The following NTM variants were observed in gnomAD, a reference collection of about 807,000 sequenced individuals.
The protein encoded by NTM is IgLON family member 2.
Under a neutral mutation model 42.1 loss-of-function variants are expected in NTM, and 13 were observed. The ratio of observed to expected loss-of-function variants is 0.31; its 90% CI spans 0.20 to 0.49. NTM has a LOEUF of 0.49. Among genes scored for constraint, NTM ranks in the 20% least tolerant of loss-of-function variants. NTM has a pLI of 0.99. For synonymous variants in NTM, 187 were observed against 179.2 expected (o/e 1.04, Z -0.35); for missense variants, 373 against 452.8 (o/e 0.82, Z 1.60).
chr11:132,291,448 C>T lies in NTM; in HGVS notation c.527-16241C>T, dbSNP rs544402039. ...AGATAAATCTAGAAGAATTTCATGTCGGACATGTCAAATGTGGGATGCCTA... is the reference window on the plus strand; with the variant it reads ...AGATAAATCTAGAAGAATTTCATGTTGGACATGTCAAATGTGGGATGCCTA... On this transcript the variant is annotated intron_variant, in intron 4 of 8. Coordinates refer to ENST00000683400, the MANE Select transcript of NTM (RefSeq NM_001352005.2). 1.5e-3 allele frequency among the ~76,000 whole-genome samples: 230 copies of T among 152,174 alleles called. 2 individuals are homozygous for T. The highest frequency in any genetic ancestry group is 5.1e-3 in the African/African-American group (213 of 41,522).
At chr11:131,603,677 C>T (rs527259588) in intron 1 of NTM, among the ~76,000 whole-genome samples, 43 of 152,310 alleles carry the variant, frequency 2.8e-4, no homozygotes, top group African/African-American at 1.0e-3. Flanking sequence ...CATTAACAAG[C>T]ACTCTTGACA....
chr11:131,487,171 GA>G (rs769500094), intron 1 of NTM, among the ~76,000 whole-genome samples: 4 of 152,216 alleles, frequency 2.6e-5, no homozygotes, highest in Non-Finnish European at 5.9e-5. Flanking sequence ...AAGCCTGCCA[GA>G]AAGGTGGTCA....
At chr11:131,674,320 G>A (rs1269855769) in intron 1 of NTM, among the ~76,000 whole-genome samples, 1 of 152,202 alleles carries the variant, frequency 6.6e-6, no homozygotes, top group East Asian at 1.9e-4. Context: ...CACTCCTAGG[G>A]CTGTCATTCT....
At chr11:132,243,675 C>A (rs929627187) in intron 4 of NTM, among the ~76,000 whole-genome samples, 4 of 152,174 alleles carry the variant, frequency 2.6e-5, no homozygotes, top group African/African-American at 9.7e-5. Flanking sequence ...TTCCGATGTA[C>A]CCAAGCACCT....
chr11:131,634,164 C>G (rs1350518546), intron 1 of NTM, among the ~76,000 whole-genome samples: 1 of 152,088 alleles, frequency 6.6e-6, no homozygotes, highest in Non-Finnish European at 1.5e-5. Context: ...GCTGAAAAAG[C>G]ATTGGGTAAT....
rs2062979302 is a variant in NTM, at chr11:131,967,451, CG to C, written c.167+55804del. Among the ~76,000 whole-genome samples the C allele has an allele frequency of 2.0e-5, 3 of 152,196 alleles. No individual in the cohort carries two copies. In the East Asian group the frequency reaches 5.8e-4, roughly 29 times the overall value. ...GTTTGCCTGTTTTGTGCAGAGACCA[CG>C]CTGAGGTCATGTGTAGGTTGGCCCT... On this transcript the variant is annotated intron_variant, in intron 2 of 8. Coordinates refer to ENST00000683400, the MANE Select transcript of NTM (RefSeq NM_001352005.2).
chr11:132,159,880 C>G (rs1489160527), intron 3 of NTM, among the ~76,000 whole-genome samples: 2 of 152,182 alleles, frequency 1.3e-5, no homozygotes, highest in African/African-American at 2.4e-5. Flanking sequence ...ACATCAAATC[C>G]TAAATGAGGT....
intron 1 of NTM, among the ~76,000 whole-genome samples, chr11:131,513,868 G>T (rs1284100276): frequency 6.6e-6 from 1 of 152,114 alleles, no homozygotes; most frequent in East Asian, 1.9e-4. Flanking sequence ...TTAATTATGT[G>T]TTGGGAAGTG....
rs75380471 is a variant in NTM at position 132,301,877 on chromosome 11, A to G, written c.527-5812A>G. On this transcript the variant is annotated intron_variant, in intron 4 of 8. Transcript: ENST00000683400. ...ATATATGCCATAAAAATATTAAGCA[A>G]GGAGGCAGCTGTGTCCTCTCCTCTC... Among the ~76,000 whole-genome samples, 41 of 152,356 alleles carry G rather than the reference A, an allele frequency of 2.7e-4. No homozygotes were observed. In the East Asian group the frequency reaches 5.6e-3, roughly 21 times the overall value.
intron 1 of NTM, among the ~76,000 whole-genome samples, chr11:131,590,836 C>T (rs2059300976): frequency 1.3e-5 from 2 of 152,172 alleles, no homozygotes; most frequent in Non-Finnish European, 2.9e-5. Context: ...GGTCTGGCCC[C>T]AAATCCAATG....
intron 2 of NTM, among the ~76,000 whole-genome samples, chr11:132,104,332 C>T (rs1403824466): frequency 6.6e-6 from 1 of 151,858 alleles, no homozygotes; most frequent in African/African-American, 2.4e-5. Flanking sequence ...CTTCCTTCCT[C>T]CCCTTCCTCC....
chr11:131,730,966 G>A (rs1027203341), intron 1 of NTM, among the ~76,000 whole-genome samples: 2 of 152,188 alleles, frequency 1.3e-5, no homozygotes, highest in Non-Finnish European at 1.5e-5. Context: ...TCTAGTTAGA[G>A]GGCTGTTGCC....
At chr11:131,693,219 T>G (rs996666050) in intron 1 of NTM, among the ~76,000 whole-genome samples, 2 of 151,836 alleles carry the variant, frequency 1.3e-5, no homozygotes, top group Non-Finnish European at 2.9e-5. Flanking sequence ...TGACTGCGAG[T>G]GGGGCAGAGG....
chr11:131,948,712 G>T (rs1397801409), intron 2 of NTM, among the ~76,000 whole-genome samples: 2 of 152,170 alleles, frequency 1.3e-5, no homozygotes, highest in Non-Finnish European at 1.5e-5. Context: ...CATAGCAGAG[G>T]CGTCCATGCT....
At chr11:131,373,387 A>G (rs186232109) in intron 1 of NTM, among the ~76,000 whole-genome samples, 174 of 152,142 alleles carry the variant, frequency 1.1e-3, no homozygotes, top group African/African-American at 4.0e-3. Flanking sequence ...CTGCCTCTTG[A>G]AAAGGTGTCT....
chr11:131,478,129 C>T lies in NTM; in HGVS notation c.82+107241C>T, dbSNP rs1953148576. On this transcript the variant is annotated intron_variant, in intron 1 of 8. Transcript: ENST00000683400. ...TAATCTTTCAGGGCAAGTATTTTGA[C>T]TTTTCATGGCCCGGTCAGTATCTGC... Among the ~76,000 whole-genome samples, 3 of 152,302 alleles carry T rather than the reference C, an allele frequency of 2.0e-5. No individual in the cohort carries two copies. The South Asian group carries it at 6.2e-4, about 32-fold the overall frequency.
chr11:131,625,561 T>A (rs2063018610), intron 1 of NTM, among the ~76,000 whole-genome samples: 1 of 146,960 alleles, frequency 6.8e-6, no homozygotes, highest in Non-Finnish European at 1.5e-5. Flanking sequence ...AAAGGCTTCA[T>A]TTTTTTTTTT....
At chr11:132,008,275 A>G (rs1036959803) in intron 2 of NTM, among the ~76,000 whole-genome samples, 5 of 152,066 alleles carry the variant, frequency 3.3e-5, no homozygotes, top group African/African-American at 9.7e-5. Flanking sequence ...GTAAAATTCT[A>G]TTGTCCTGAC....
chr11:131,910,856 CG>C, intron 1 of NTM: 1 of 985,186 alleles, frequency 1.0e-6, no homozygotes. Context: ...GGAAGTTGAC[CG>C]AGGCGGCTGC....
Sources: gnomAD v4.1 joint callset for allele counts (sites outside exome capture counted in the v4.1 genomes callset) on GRCh38, gnomAD v4.1.1 for gene constraint, MANE v1.5 for transcripts, NCBI Gene and HGNC (gene_info 2026-07-23, HGNC 2026-07-21) for gene names.